Variants in ERMAP observed in about 807,000 individuals in gnomAD.
ERMAP encodes erythroid membrane-associated protein.
In ERMAP, 34 loss-of-function variants were observed where a neutral mutation model predicts 49.5. The ratio of observed to expected loss-of-function variants is 0.69; its 90% confidence interval spans 0.52 to 0.91. ERMAP has a LOEUF of 0.91. ERMAP is among the 40% of genes least tolerant of loss of function. ERMAP has a pLI of 0.00. For synonymous variants in ERMAP, 214 were observed against 232.2 expected (o/e 0.92, Z 0.71); for missense variants, 541 against 582.6 (o/e 0.93, Z 0.74).
chr1:42,837,035 G>A (rs551965938), intron 6 of ERMAP, 123 bp from the exon 7 acceptor site: 219 of 933,738 alleles, frequency 2.3e-4, no homozygotes, highest in South Asian at 1.7e-3. Context: ...ATTAGAGACC[G>A]GATCAGGGAG....
At position 42,843,438 on chromosome 1, in the gene ERMAP, G is replaced by A; in HGVS notation, c.*206G>A. On this transcript the variant is annotated 3_prime_UTR_variant, in exon 12 of 12. Coordinates refer to ENST00000372517, the MANE Select transcript of ERMAP (RefSeq NM_001017922.2). ...AAGGAATTGAAGCTCCCAGTGACCT[G>A]GAGGGAGGATTCCTGGAAACCAAAC... 2.1e-6 allele frequency: 1 copy of A among 478,040 alleles called. No homozygotes were observed. The highest frequency in any genetic ancestry group is 3.6e-6 in the Non-Finnish European group (1 of 274,142). 29.6% of individuals were successfully genotyped at this position (478,040 alleles called of 1,614,324 possible).
rs759697271 is a variant in ERMAP, at chr1:42,843,156, AG to A, written c.1353del (p.Glu451AspfsTer2). 2 of 1,614,122 alleles carry A rather than the reference AG, an allele frequency of 1.2e-6. No homozygotes were observed. Among genetic ancestry groups the A allele is most frequent in the East Asian group, 4.5e-5 (2 of 44,874 alleles). ...NSSLLPPKAP[E>X]LKDIILSLPP... ...TCTTTACTACCCCCGAAGGCCCCAG[AG>A]CTGAAGGATATAATCCTGTCCTTGC... On this transcript the variant is annotated frameshift_variant, in exon 12 of 12. Transcript: ENST00000372517. LOFTEE classifies it high-confidence loss of function.
chr1:42,829,745 A>AC (rs1304544616), intron 2 of ERMAP, among the ~76,000 whole-genome samples: 1 of 152,032 alleles, frequency 6.6e-6, no homozygotes. Context: ...GAACCCTCAC[A>AC]CTCATCTGTG....
chr1:42,836,374 G>A (rs532161114), intron 6 of ERMAP, among the ~76,000 whole-genome samples: 2 of 152,190 alleles, frequency 1.3e-5, no homozygotes, highest in Non-Finnish European at 2.9e-5. Flanking sequence ...GAGAAGCATG[G>A]TCGGGGAAAG....
chr1:42,840,427 G>C, intron 11 of ERMAP, 131 bp downstream of exon 11: 1 of 1,051,906 alleles, frequency 9.5e-7, no homozygotes. Flanking sequence ...CTGTATATCT[G>C]ACTATCAAAT....
chr1:42,825,461 T>C lies in ERMAP; in HGVS notation c.-121-162T>C, dbSNP rs531882593. 1,164 of 1,152,086 alleles carry C rather than the reference T, an allele frequency of 1.0e-3. 5 individuals are homozygous for C. Among genetic ancestry groups the C allele is most frequent in the South Asian group, 4.1e-3 (231 of 55,898 alleles). 71.4% of individuals were successfully genotyped at this position (1,152,086 alleles called of 1,614,324 possible). On this transcript the variant is annotated intron_variant, in intron 1 of 11. Coordinates refer to ENST00000372517, the MANE Select transcript of ERMAP (RefSeq NM_001017922.2). The stretch of plus-strand genomic sequence containing the variant: ...GTCATACTCAGTGGTTCCCTCATTT[T>C]TGGGAGCCTCCTCTTTGCTCTGTTC...
intron 11 of ERMAP, among the ~76,000 whole-genome samples, chr1:42,840,998 A>G (rs1468026804): frequency 6.6e-6 from 1 of 152,204 alleles, no homozygotes; most frequent in Non-Finnish European, 1.5e-5. Flanking sequence ...CTCTCTTTCA[A>G]TGTATTCCTA....
At chr1:42,830,645 C>T in intron 3 of ERMAP, 112 bp downstream of exon 3, 1 of 1,451,114 alleles carries the variant, frequency 6.9e-7, no homozygotes. Flanking sequence ...TCCCCCGGCC[C>T]TGGCAATCCT....
At chr1:42,818,147 T>C (rs946550697) in intron 1 of ERMAP, among the ~76,000 whole-genome samples, 7 of 152,210 alleles carry the variant, frequency 4.6e-5, no homozygotes, top group African/African-American at 1.7e-4. Context: ...TTGAAACAAC[T>C]GATAGATGCT....
intron 1 of ERMAP, among the ~76,000 whole-genome samples, chr1:42,818,096 G>C (rs1654295626): frequency 6.6e-6 from 1 of 152,208 alleles, no homozygotes; most frequent in African/African-American, 2.4e-5. Flanking sequence ...GTAAAACCCT[G>C]TTTGGGTCCA....
intron 2 of ERMAP, chr1:42,830,123 C>T: frequency 3.0e-6 from 1 of 332,208 alleles, no homozygotes; most frequent in Non-Finnish European, 5.7e-6. Context: ...TCACTCATCT[C>T]ATCTGCACTG....
Position 42,835,079 on chromosome 1 carries a change from G to T in ERMAP, c.475G>T (p.Ala159Ser). 1 of 1,582,182 alleles carries T rather than the reference G, an allele frequency of 6.3e-7. No individual in the cohort carries two copies. ...GSLSPSAVALAVILPVLVLLI... is the reference protein window; with the variant it reads ...GSLSPSAVALSVILPVLVLLI... ...TCTCTCCCCCTCAGCAGTGGCTCTG[G>T]CTGTGATCCTGCCTGTCCTGGTACT... is the stretch of plus-strand genomic sequence containing the variant. Residue 159 changes from alanine (A) to serine (S), a missense_variant, in exon 5 of 12, where the codon GCT (alanine) becomes TCT (serine). Coordinates refer to ENST00000372517, the MANE Select transcript of ERMAP (RefSeq NM_001017922.2).
chr1:42,844,319 G>A lies in ERMAP; in HGVS notation c.*1087G>A, dbSNP rs560515479. On this transcript the variant is annotated 3_prime_UTR_variant, in exon 12 of 12. Coordinates refer to ENST00000372517, the MANE Select transcript of ERMAP (RefSeq NM_001017922.2). This position sits in a 1 kb window ranked among gnomAD's most constrained non-coding sequence, Gnocchi z 4.0. ...CGCTTTCAAGTCACATCATATATGC[G>A]ATCTGGCCTAACCATGGAGATATTG... 5.1e-6 allele frequency: 2 copies of A among 392,316 alleles called. No homozygotes were observed. The highest frequency in any genetic ancestry group is 2.1e-5 in the African/African-American group (1 of 48,612). 24.3% of individuals were successfully genotyped at this position (392,316 alleles called of 1,614,324 possible).
chr1:42,838,884 CTCTT>C lies in ERMAP; in HGVS notation c.617-13_617-10del, dbSNP rs751309805. On this transcript the variant is annotated splice_polypyrimidine_tract_variant and intron_variant, in intron 7 of 11. Transcript: ENST00000372517. ...AGGATCTGATCACTCACTCTTCTCT[CTCTT>C]TCTGGTTTTTAGGAAAACTCCATAA... is the stretch of plus-strand genomic sequence containing the variant. The C allele has an allele frequency of 4.3e-6, 7 of 1,614,038 alleles. No homozygotes were observed. Among genetic ancestry groups the C allele is most frequent in the Non-Finnish European group, 5.9e-6 (7 of 1,180,000 alleles).
chr1:42,828,736 G>A (rs1451739458), intron 2 of ERMAP, among the ~76,000 whole-genome samples: 1 of 152,070 alleles, frequency 6.6e-6, no homozygotes, highest in Non-Finnish European at 1.5e-5. Flanking sequence ...GAGCTCAAGT[G>A]ATCCTCCTGC....
In ERMAP at chr1:42,843,986, C is replaced by G; in HGVS notation, c.*754C>G. On this transcript the variant is annotated 3_prime_UTR_variant, in exon 12 of 12. Coordinates refer to ENST00000372517, the MANE Select transcript of ERMAP (RefSeq NM_001017922.2). ...GCAGAGAACTCAGCTGTATGTTGCC[C>G]TCTGACCTTGGCCCAGACCTTCAGA... 1 of 398,292 alleles carries G rather than the reference C, an allele frequency of 2.5e-6. No individual in the cohort carries two copies. Among genetic ancestry groups the G allele is most frequent in the East Asian group, 3.6e-5 (1 of 28,070 alleles). 24.7% of individuals were successfully genotyped at this position (398,292 alleles called of 1,614,324 possible).
Position 42,830,990 on chromosome 1 carries a change from A to G in ERMAP, c.308A>G (p.Asp103Gly). The G allele has an allele frequency of 6.2e-7, 1 of 1,614,188 alleles. No homozygotes were observed. Among genetic ancestry groups the G allele is most frequent in the Middle Eastern group, 1.6e-4 (1 of 6,062 alleles). The change falls in exon 4 of 12, where the codon GAT becomes GGT. Residue 103 changes from aspartate to glycine, a missense_variant. Asp to Gly is a moderately conservative substitution (Grantham distance 94, BLOSUM62 -1). Coordinates refer to ENST00000372517, the MANE Select transcript of ERMAP (RefSeq NM_001017922.2). ...AAGGGGAGGACGGTGCTAGTGAGAG[A>G]TGCCCAAGAGGGAAGTGTCACTCTG... is the stretch of plus-strand genomic sequence containing the variant. ...EYKGRTVLVR[D>G]AQEGSVTLQI... is the part of the protein sequence containing the mutation.
Position 42,832,918 on chromosome 1 carries a change from C to T in ERMAP, c.433+1803C>T, listed in dbSNP as rs1449191049. ...CCCTGGCAGAGGCCCTGCTGGTGTGCAGATAGGTGGGATGGTTCCCAGAGC... is the reference window on the plus strand; with the variant it reads ...CCCTGGCAGAGGCCCTGCTGGTGTGTAGATAGGTGGGATGGTTCCCAGAGC... On this transcript the variant is annotated intron_variant, in intron 4 of 11. Transcript: ENST00000372517. Among the ~76,000 whole-genome samples, 3 of 152,322 alleles carry T rather than the reference C, an allele frequency of 2.0e-5. No homozygotes were observed. The East Asian group carries it at 5.8e-4, about 29-fold the overall frequency.
At position 42,825,730 on chromosome 1, in the gene ERMAP, C is replaced by T. The variant is rs781769338; in HGVS notation, c.-14C>T. ...GTGAGAGGAACAAGCGTCCCTGATC[C>T]AGAAGGTGGTGAGTCCTCCTCTCTC... On this transcript the variant is annotated 5_prime_UTR_variant, in exon 2 of 12. Transcript: ENST00000372517. 7.4e-5 allele frequency: 96 copies of T among 1,289,268 alleles called. No individual in the cohort carries two copies. The highest frequency in any genetic ancestry group is 9.4e-5 in the Non-Finnish European group (93 of 988,882). 79.9% of individuals were successfully genotyped at this position (1,289,268 alleles called of 1,614,324 possible).
Sources: gnomAD v4.1 joint callset for allele counts (sites outside exome capture counted in the v4.1 genomes callset) on GRCh38, gnomAD v4.1.1 for gene constraint, Gnocchi (gnomAD v3.1) non-coding constraint, MANE v1.5 for transcripts, NCBI Gene and HGNC (gene_info 2026-07-23, HGNC 2026-07-21) for gene names.